Variants in DUS2 observed in about 807,000 individuals in gnomAD.
DUS2 encodes the protein dihydrouridine synthase 2, also known as tRNA-dihydrouridine(20) synthase [NAD(P)+]-like.
In DUS2, 52 loss-of-function variants were observed where a neutral mutation model predicts 71.3. That is an observed-to-expected ratio of 0.73 (90% confidence interval 0.58 to 0.92). DUS2 has a LOEUF of 0.92. DUS2 is among the 40% of genes least tolerant of loss of function. DUS2 has a pLI of 0.00. For missense variants in DUS2, 558 were observed against 622.6 expected, an observed-to-expected ratio of 0.90 and a Z score of 1.10; for synonymous variants, 204 against 227.8, an observed-to-expected ratio of 0.90 and a Z score of 0.94.
At chr16:68,071,188 C>T (rs547168904) in intron 12 of DUS2, 80 bp downstream of exon 12, 1 of 1,481,382 alleles carries the variant, frequency 6.8e-7, no homozygotes, top group East Asian at 2.3e-5. Context: ...TGTGAGCCCC[C>T]AGCTGCCAGC....
chr16:68,033,388 G>T (rs1046475179), intron 2 of DUS2, among the ~76,000 whole-genome samples: 5 of 152,082 alleles, frequency 3.3e-5, no homozygotes, highest in Non-Finnish European at 5.9e-5. Context: ...AAATGGGAAA[G>T]ATTTTCTTTC....
Position 68,028,363 on chromosome 16 carries a change from C to T in DUS2, c.-19+2869C>T, listed in dbSNP as rs576402531. 5.9e-5 allele frequency among the ~76,000 whole-genome samples: 9 copies of T among 152,030 alleles called. No individual in the cohort carries two copies. In the South Asian group the frequency reaches 6.2e-4, roughly 11 times the overall value. ...AATAATAGACGTTAGAGGCCAGGCG[C>T]GGTGGCTCACACCTGTAATCCCAGC... On this transcript the variant is annotated intron_variant, in intron 2 of 16. Coordinates refer to ENST00000565263, the MANE Select transcript of DUS2 (RefSeq NM_017803.5).
In DUS2 at chr16:68,029,478, G is replaced by C. The variant is rs151137708; in HGVS notation, c.-19+3984G>C. Among the ~76,000 whole-genome samples the C allele has an allele frequency of 5.5e-3, 829 of 151,782 alleles. 5 individuals are homozygous for C. Among genetic ancestry groups the C allele is most frequent in the African/African-American group, 0.019 (796 of 41,398 alleles). On this transcript the variant is annotated intron_variant, in intron 2 of 16. Coordinates refer to ENST00000565263, the MANE Select transcript of DUS2 (RefSeq NM_017803.5). ...TTTTATTTTTTTGAGGCAGAGTCTTGCTCCAATTTCCAGGCTGGAGTGCAG... is the reference window on the plus strand; with the variant it reads ...TTTTATTTTTTTGAGGCAGAGTCTTCCTCCAATTTCCAGGCTGGAGTGCAG...
In DUS2 at chr16:68,023,298, A is replaced by C. The variant is rs551467589; in HGVS notation, c.-152A>C. On this transcript the variant is annotated 5_prime_UTR_variant, in exon 1 of 17. Transcript: ENST00000565263. ...TGGCGAGGCTCAGTACGGTGTGTGG[A>C]GCTGGAGCACCGTGAGGAAGAAGCG... is the stretch of plus-strand genomic sequence containing the variant. 237 of 1,380,118 alleles carry C rather than the reference A, an allele frequency of 1.7e-4. 1 individual carries two copies. The highest frequency in any genetic ancestry group is 8.4e-4 in the South Asian group (60 of 71,472). 85.5% of individuals were successfully genotyped at this position (1,380,118 alleles called of 1,614,324 possible).
intron 7 of DUS2, among the ~76,000 whole-genome samples, chr16:68,060,234 A>C (rs907306059): frequency 2.0e-5 from 3 of 152,208 alleles, no homozygotes; most frequent in African/African-American, 7.2e-5. Flanking sequence ...GGGAGTGGGC[A>C]GTCTTGAAAA....
At chr16:68,037,017 A>G (rs1290021142) in intron 2 of DUS2, among the ~76,000 whole-genome samples, 1 of 151,548 alleles carries the variant, frequency 6.6e-6, no homozygotes, top group African/African-American at 2.4e-5. Context: ...CAGTTTTCCA[A>G]CATACTATAT....
intron 3 of DUS2, among the ~76,000 whole-genome samples, chr16:68,039,414 T>A (rs1441491145): frequency 6.6e-6 from 1 of 151,800 alleles, no homozygotes; most frequent in Non-Finnish European, 1.5e-5. Flanking sequence ...AGCGAGACCC[T>A]GTTTCTATTT....
chr16:68,031,372 C>T (rs1455082117), intron 2 of DUS2, among the ~76,000 whole-genome samples: 1 of 151,464 alleles, frequency 6.6e-6, no homozygotes, highest in Non-Finnish European at 1.5e-5. Flanking sequence ...ACCATGTTGG[C>T]CAGGATGGTC....
At chr16:68,024,354 CT>C (rs2033311640) in intron 1 of DUS2, among the ~76,000 whole-genome samples, 1 of 152,096 alleles carries the variant, frequency 6.6e-6, no homozygotes, top group African/African-American at 2.4e-5. Flanking sequence ...CCACCTCGGC[CT>C]CCCAAAGTGA....
intron 8 of DUS2, among the ~76,000 whole-genome samples, chr16:68,065,646 A>G (rs751464522): frequency 3.3e-5 from 5 of 152,004 alleles, no homozygotes; most frequent in Non-Finnish European, 4.4e-5. Flanking sequence ...AAAACAAACA[A>G]ACAAACAAAC....
At chr16:68,063,698 C>T (rs1163904948) in intron 8 of DUS2, among the ~76,000 whole-genome samples, 5 of 151,956 alleles carry the variant, frequency 3.3e-5, no homozygotes. Context: ...GGATTAAGAA[C>T]CTCAGTTTTA....
At chr16:68,024,324 C>T (rs2033310898) in intron 1 of DUS2, among the ~76,000 whole-genome samples, 1 of 152,082 alleles carries the variant, frequency 6.6e-6, no homozygotes, top group Admixed American at 6.6e-5. Context: ...GTCTCGAACT[C>T]CTGGCCTCAA....
intron 15 of DUS2, 88 bp from the exon 16 acceptor site, chr16:68,078,357 C>A (rs960480040): frequency 7.8e-7 from 1 of 1,286,530 alleles, no homozygotes. Context: ...GGAAACACTT[C>A]CTTTTATCTG....
At chr16:68,031,642 CT>C (rs146354829) in intron 2 of DUS2, among the ~76,000 whole-genome samples, 15,737 of 148,970 alleles carry the variant, frequency 0.11, 1,085 homozygotes, top group Non-Finnish European at 0.16. Flanking sequence ...TCTTTAATGT[CT>C]TTTTTTTTTA....
chr16:68,037,812 A>C (rs943646910), intron 2 of DUS2, 194 bp from the exon 3 acceptor site: 7 of 475,608 alleles, frequency 1.5e-5, no homozygotes, highest in Non-Finnish European at 2.2e-5. Context: ...TGAGCCCTGC[A>C]CTACACTGCA....
chr16:68,076,775 C>T (rs1567484198), intron 15 of DUS2, 56 bp downstream of exon 15: 3 of 1,471,414 alleles, frequency 2.0e-6, no homozygotes, highest in South Asian at 1.1e-5. Context: ...CCATGGCTTA[C>T]ACCCTCAACT....
chr16:68,078,121 T>G, intron 15 of DUS2: 1 of 376,962 alleles, frequency 2.7e-6, no homozygotes, highest in Non-Finnish European at 5.0e-6. Context: ...AGCTTGTCCC[T>G]TCTCACCCTT....
At chr16:68,069,228 A>C (rs1243104067) in intron 10 of DUS2, among the ~76,000 whole-genome samples, 1 of 151,974 alleles carries the variant, frequency 6.6e-6, no homozygotes, top group African/African-American at 2.4e-5. Context: ...GTTTCTACTA[A>C]AAAAAATACA....
chr16:68,058,679 T>A (rs2033895657), intron 7 of DUS2, among the ~76,000 whole-genome samples: 1 of 152,166 alleles, frequency 6.6e-6, no homozygotes, highest in African/African-American at 2.4e-5. Flanking sequence ...AGGGAAGATT[T>A]TTGGAGAGAC....
Sources: gnomAD v4.1 joint callset for allele counts (sites outside exome capture counted in the v4.1 genomes callset) on GRCh38, gnomAD v4.1.1 for gene constraint, MANE v1.5 for transcripts, NCBI Gene and HGNC (gene_info 2026-07-23, HGNC 2026-07-21) for gene names.